Variants in SPOCK3 observed in about 807,000 individuals in gnomAD.
SPOCK3 encodes the protein testican-3.
Under a neutral mutation model 56.6 loss-of-function variants are expected in SPOCK3, and 30 were observed. The observed-to-expected ratio is 0.53, with a 90% confidence interval of 0.40 to 0.72. The LOEUF is 0.72. Ranked by LOEUF, SPOCK3 falls within the 30% of genes least tolerant of loss-of-function variation. SPOCK3 has a pLI of 0.00. For missense variants in SPOCK3, 527 were observed against 530.0 expected, an observed-to-expected ratio of 0.99 and a Z score of 0.06; for synonymous variants, 196 against 183.3, an observed-to-expected ratio of 1.07 and a Z score of -0.56.
chr4:166,773,428 CTG>C (rs1174013239), intron 7 of SPOCK3, among the ~76,000 whole-genome samples: 1 of 132,770 alleles, frequency 7.5e-6, no homozygotes, highest in Non-Finnish European at 1.7e-5. Context: ...ATAAAAGTAA[CTG>C]TTTCTTTTAA....
chr4:166,928,523 G>T (rs1739368926), intron 4 of SPOCK3, among the ~76,000 whole-genome samples: 3 of 152,326 alleles, frequency 2.0e-5, no homozygotes, highest in Middle Eastern at 6.8e-3. Context: ...TTTGCCAGGG[G>T]TTATTAGGGA....
At chr4:166,765,071 T>C (rs1217708155) in intron 7 of SPOCK3, among the ~76,000 whole-genome samples, 1 of 152,190 alleles carries the variant, frequency 6.6e-6, no homozygotes, top group Admixed American at 6.5e-5. Flanking sequence ...TTGAGTTCTT[T>C]GTAGATTCTG....
intron 2 of SPOCK3, among the ~76,000 whole-genome samples, chr4:167,142,948 A>G (rs1034610485): frequency 9.2e-5 from 14 of 152,030 alleles, no homozygotes; most frequent in African/African-American, 2.7e-4. Context: ...AAGTCAATAC[A>G]TAATATTATG....
intron 2 of SPOCK3, among the ~76,000 whole-genome samples, chr4:167,115,226 C>T (rs115036658): frequency 0.011 from 1,702 of 151,210 alleles, 18 homozygotes; most frequent in Non-Finnish European, 0.018. Flanking sequence ...TTATCTGTGG[C>T]GGCTTTTATG....
chr4:167,208,132 G>A (rs1436419708), intron 2 of SPOCK3, among the ~76,000 whole-genome samples: 1 of 151,844 alleles, frequency 6.6e-6, no homozygotes, highest in Non-Finnish European at 1.5e-5. Flanking sequence ...TCTTCTATAA[G>A]AAATTTTCCA....
At chr4:166,917,815 T>C (rs1738039187) in intron 4 of SPOCK3, among the ~76,000 whole-genome samples, 1 of 152,092 alleles carries the variant, frequency 6.6e-6, no homozygotes, top group South Asian at 2.1e-4. Flanking sequence ...ACCTCTTTCC[T>C]TTACATATTA....
chr4:166,762,557 A>G (rs1737389892), intron 7 of SPOCK3, among the ~76,000 whole-genome samples: 1 of 152,086 alleles, frequency 6.6e-6, no homozygotes, highest in South Asian at 2.1e-4. Context: ...CAATTCTGAA[A>G]GCTCAGACTC....
intron 6 of SPOCK3, among the ~76,000 whole-genome samples, chr4:166,875,790 T>G (rs1389294016): frequency 6.6e-6 from 1 of 152,144 alleles, no homozygotes; most frequent in Non-Finnish European, 1.5e-5. Context: ...ATAGACAAAG[T>G]GCCAAGTGAA....
At chr4:167,103,318 C>T (rs1759818978) in intron 2 of SPOCK3, among the ~76,000 whole-genome samples, 1 of 152,068 alleles carries the variant, frequency 6.6e-6, no homozygotes, top group Non-Finnish European at 1.5e-5. Context: ...GATGCTAGGC[C>T]TTAGCTCTTG....
intron 6 of SPOCK3, among the ~76,000 whole-genome samples, chr4:166,848,633 G>A (rs1331799871): frequency 6.6e-6 from 1 of 152,162 alleles, no homozygotes; most frequent in Non-Finnish European, 1.5e-5. Context: ...TTGAACTCTT[G>A]TGTATGTACT....
Position 166,734,949 on chromosome 4 carries a change from C to T in SPOCK3, c.1274G>A (p.Gly425Asp). The change falls in exon 11 of 11, where the codon GGT becomes GAT. Residue 425 changes from glycine (G) to aspartate (D), a missense_variant. Coordinates refer to ENST00000357545, the MANE Select transcript of SPOCK3 (RefSeq NM_001040159.2). ...AATGTATACATCATGGTCATCACCACCATCATCATCATCCCCTTCATCTTC... is the reference window on the plus strand; with the variant it reads ...AATGTATACATCATGGTCATCACCATCATCATCATCATCCCCTTCATCTTC... ...DDEDEGDDDD[G>D]GDDHDVYI is the part of the protein sequence containing the mutation. 1 of 1,540,416 alleles carries T rather than the reference C, an allele frequency of 6.5e-7. No homozygotes were observed. The highest frequency in any genetic ancestry group is 9.0e-7 in the Non-Finnish European group (1 of 1,115,496).
chr4:167,159,010 T>C (rs1170072767), intron 2 of SPOCK3, among the ~76,000 whole-genome samples: 1 of 151,950 alleles, frequency 6.6e-6, no homozygotes, highest in Non-Finnish European at 1.5e-5. Flanking sequence ...AACATCTTAC[T>C]TGAGCTCAAT....
intron 2 of SPOCK3, among the ~76,000 whole-genome samples, chr4:167,094,819 G>A (rs1030064194): frequency 2.0e-5 from 3 of 152,002 alleles, no homozygotes; most frequent in Admixed American, 1.3e-4. Context: ...ATTATTCGGG[G>A]TTCTCCAGAA....
chr4:167,160,256 CAGAG>C (rs1158763470), intron 2 of SPOCK3, among the ~76,000 whole-genome samples: 1 of 152,252 alleles, frequency 6.6e-6, no homozygotes, highest in East Asian at 1.9e-4. Flanking sequence ...AACGGACAAA[CAGAG>C]AGCCAAACCA....
chr4:167,234,097 A>G lies in SPOCK3; in HGVS notation c.77T>C (p.Val26Ala). ...GTCCGACCGCCCCCCGGCTGCAGCC[A>G]CCGCCGCGGCAGCTGCGAGAGACTG... is the stretch of plus-strand genomic sequence containing the variant. ...CSQSLAAAAA[V>A]AAAGGRSDGG... Residue 26 changes from valine (V) to alanine (A), a missense_variant, in exon 2 of 11, where the codon GTG becomes GCG. By Grantham distance (64) the Val-to-Ala change is moderately conservative (BLOSUM62 0). Transcript: ENST00000357545. 1.2e-6 allele frequency: 2 copies of G among 1,613,528 alleles called. No homozygotes were observed. Among genetic ancestry groups the G allele is most frequent in the Non-Finnish European group, 1.7e-6 (2 of 1,179,932 alleles).
Position 166,912,712 on chromosome 4 carries a change from A to G in SPOCK3, c.382T>C (p.Trp128Arg). Residue 128 changes from tryptophan to arginine, a missense_variant, in exon 5 of 11, where the codon TGG becomes CGG. Physicochemically the swap from Trp to Arg is moderately radical, Grantham distance 101. Transcript: ENST00000357545. ...MKEAGVDHRQWRGPILSTCKQ... is the reference protein window; with the variant it reads ...MKEAGVDHRQRRGPILSTCKQ... ...CAGGTGGATAATATGGGACCCCTCC[A>G]CTGCCTATGGTCTACTCCTGCTTCT... is the stretch of plus-strand genomic sequence containing the variant. 6.2e-7 allele frequency: 1 copy of G among 1,613,342 alleles called. No homozygotes were observed. The highest frequency in any genetic ancestry group is 8.5e-7 in the Non-Finnish European group (1 of 1,179,612).
chr4:167,059,677 A>G (rs1755359136), intron 3 of SPOCK3, among the ~76,000 whole-genome samples: 1 of 152,128 alleles, frequency 6.6e-6, no homozygotes, highest in Non-Finnish European at 1.5e-5. Context: ...ACTATAAATC[A>G]TGCTGCTATA....
intron 6 of SPOCK3, among the ~76,000 whole-genome samples, chr4:166,802,840 C>T (rs1040399258): frequency 2.0e-5 from 3 of 152,020 alleles, no homozygotes; most frequent in African/African-American, 4.8e-5. Flanking sequence ...AACTAATTGC[C>T]TGATTTTAGA....
In SPOCK3 at chr4:167,047,568, G is replaced by A. The variant is rs1753841178; in HGVS notation, c.235+14924C>T. ...TTGGATTGGTTGGTTTATGAAGCTT[G>A]CCAACTCACTTAACATTATTGACCT... On this transcript the variant is annotated intron_variant, in intron 3 of 10. Transcript: ENST00000357545. 1.3e-5 allele frequency among the ~76,000 whole-genome samples: 2 copies of A among 152,120 alleles called. 1 individual carries two copies. The highest frequency in any genetic ancestry group is 1.3e-4 in the Admixed American group (2 of 15,276).
Sources: gnomAD v4.1 joint callset for allele counts (sites outside exome capture counted in the v4.1 genomes callset) on GRCh38, gnomAD v4.1.1 for gene constraint, MANE v1.5 for transcripts, NCBI Gene and HGNC (gene_info 2026-07-23, HGNC 2026-07-21) for gene names.